PDCD6: variants seen among roughly 807,000 people sequenced by gnomAD.
The protein encoded by PDCD6 is programmed cell death 6, also known as programmed cell death protein 6.
A neutral mutation model predicts 28.3 loss-of-function variants in PDCD6; 12 were observed. The observed-to-expected ratio is 0.42, with a 90% CI of 0.27 to 0.69. PDCD6 has a LOEUF of 0.69. PDCD6 is among the 30% of genes least tolerant of loss of function. The pLI, the probability that PDCD6 is intolerant of heterozygous loss-of-function variation, is 0.22. For missense variants in PDCD6, 226 were observed against 269.9 expected (o/e 0.84, Z 1.14); for synonymous variants, 92 against 108.0 (o/e 0.85, Z 0.92).
intron 2 of PDCD6, among the ~76,000 whole-genome samples, chr5:277,644 T>A (rs1489545973): frequency 6.6e-6 from 1 of 151,692 alleles, no homozygotes; most frequent in Non-Finnish European, 1.5e-5. Context: ...CCATGTTAGC[T>A]AGGATGGTCT....
In PDCD6 at chr5:295,645, C is replaced by CT. The variant is rs1289980059; in HGVS notation, c.164-8524dup. Among the ~76,000 whole-genome samples, 16 of 137,682 alleles carry CT rather than the reference C, an allele frequency of 1.2e-4. 1 individual carries two copies. Among genetic ancestry groups the CT allele is most frequent in the African/African-American group, 3.8e-4 (15 of 39,506 alleles). 90.3% of individuals were successfully genotyped at this position (137,682 alleles called of 152,430 possible). ...GAATTCTGGCTGGGTCCTCAGGAGCCTTTTTTTTCTTGTCCACATTCACCT... is the reference window on the plus strand; with the variant it reads ...GAATTCTGGCTGGGTCCTCAGGAGCCTTTTTTTTTCTTGTCCACATTCACCT... On this transcript the variant is annotated intron_variant, in intron 2 of 5. Coordinates refer to ENST00000264933, the MANE Select transcript of PDCD6 (RefSeq NM_013232.4).
intron 2 of PDCD6, among the ~76,000 whole-genome samples, chr5:286,769 T>C (rs1204286784): frequency 6.6e-6 from 1 of 152,108 alleles, no homozygotes; most frequent in Non-Finnish European, 1.5e-5. Context: ...GATGTTGTTC[T>C]AGTTTGTGTG....
intron 2 of PDCD6, chr5:276,492 AGTCTCACT>A (rs1738210117): frequency 1.0e-6 from 1 of 979,560 alleles, no homozygotes; most frequent in Non-Finnish European, 1.2e-6. Context: ...TTAGAGATGG[AGTCTCACT>A]GTCTTGCTCA....
intron 2 of PDCD6, among the ~76,000 whole-genome samples, chr5:298,750 CA>C (rs560826713): frequency 3.8e-3 from 108 of 28,518 alleles, no homozygotes; most frequent in Non-Finnish European, 6.5e-3. Flanking sequence ...CCCAGCTGCT[CA>C]CCCCCAACTG....
chr5:292,603 G>A (rs759666797), intron 2 of PDCD6, among the ~76,000 whole-genome samples: 6 of 152,090 alleles, frequency 3.9e-5, no homozygotes, highest in East Asian at 1.9e-4. Context: ...TGTTCATTCC[G>A]GTGACTATCT....
chr5:292,415 C>A (rs1443068463), intron 2 of PDCD6, among the ~76,000 whole-genome samples: 3 of 152,092 alleles, frequency 2.0e-5, no homozygotes, highest in Admixed American at 2.0e-4. Flanking sequence ...CCCGCCACCA[C>A]CCCTGGCTAA....
chr5:291,856 G>T (rs374587301), intron 2 of PDCD6, among the ~76,000 whole-genome samples: 1 of 152,234 alleles, frequency 6.6e-6, no homozygotes, highest in Non-Finnish European at 1.5e-5. Flanking sequence ...TGTTGGGAAC[G>T]TTCTTGGGCG....
In PDCD6 at chr5:306,886, C is replaced by T; in HGVS notation, c.367+126C>T. 3 of 876,428 alleles carry T rather than the reference C, an allele frequency of 3.4e-6. No individual in the cohort carries two copies. In the South Asian group the frequency reaches 4.4e-5, roughly 13 times the overall value. The allele number at this position is 876,428 out of a possible 1,614,324, so 54.3% of individuals were successfully genotyped here. On this transcript the variant is annotated intron_variant, in intron 4 of 5. Transcript: ENST00000264933. ...GGCTACGTAAAGTTTTTGTTGACGT[C>T]ATGCAGGTTCATATTTGATATTGCT...
rs1256797244 is a variant in PDCD6, at chr5:307,559, C to A, written c.367+799C>A. Reference sequence around the variant, plus strand: ...GGGGCTTCCCGTGCTGCTCTCAGGGCTGAGAGGAAGCAGGGGTTTTATTTA... The same window carrying A: ...GGGGCTTCCCGTGCTGCTCTCAGGGATGAGAGGAAGCAGGGGTTTTATTTA... On this transcript the variant is annotated intron_variant, in intron 4 of 5. Coordinates refer to ENST00000264933, the MANE Select transcript of PDCD6 (RefSeq NM_013232.4). The surrounding 1 kb of genome is among the most constrained non-coding windows in gnomAD (Gnocchi z 6.1). Among the ~76,000 whole-genome samples the A allele has an allele frequency of 1.3e-5, 2 of 152,146 alleles. No individual in the cohort carries two copies. Among genetic ancestry groups the A allele is most frequent in the African/African-American group, 4.8e-5 (2 of 41,434 alleles).
At chr5:312,083 C>CT (rs1740957053) in intron 5 of PDCD6, 1 of 152,552 alleles carries the variant, frequency 6.6e-6, no homozygotes, top group Non-Finnish European at 1.5e-5. Context: ...GTGAGGTCAG[C>CT]TGTGGAGCCT....
Position 307,916 on chromosome 5 carries a change from C to T in PDCD6, c.367+1156C>T, listed in dbSNP as rs1213262442. Among the ~76,000 whole-genome samples the T allele has an allele frequency of 6.6e-6, 1 of 152,172 alleles. No individual in the cohort carries two copies. Among genetic ancestry groups the T allele is most frequent in the East Asian group, 1.9e-4 (1 of 5,198 alleles). ...GGTCTCCTCAAGAAGCAGTTCTGAGCTGACCAGCTGCGAGCCAGGATTTGG... is the reference window on the plus strand; with the variant it reads ...GGTCTCCTCAAGAAGCAGTTCTGAGTTGACCAGCTGCGAGCCAGGATTTGG... On this transcript the variant is annotated intron_variant, in intron 4 of 5. Transcript: ENST00000264933. This position sits in a 1 kb window ranked among gnomAD's most constrained non-coding sequence, Gnocchi z 6.1.
At position 311,482 on chromosome 5, in the gene PDCD6, C is replaced by G. The variant is rs79431533; in HGVS notation, c.477+80C>G. Reference sequence around the variant, plus strand: ...CAGCGTGATGCACCTGACCTTCAATCTAAGGAGCTGGGCATGTGTAGAATT... The same window carrying G: ...CAGCGTGATGCACCTGACCTTCAATGTAAGGAGCTGGGCATGTGTAGAATT... On this transcript the variant is annotated intron_variant, in intron 5 of 5. Transcript: ENST00000264933. 5.5e-6 allele frequency: 5 copies of G among 901,110 alleles called. No homozygotes were observed. In the African/African-American group the frequency reaches 6.6e-5, roughly 12 times the overall value. The allele number at this position is 901,110 out of a possible 1,614,324, so 55.8% of individuals were successfully genotyped here.
intron 2 of PDCD6, among the ~76,000 whole-genome samples, chr5:297,905 CTT>C (rs200720645): frequency 1.3e-5 from 2 of 152,284 alleles, no homozygotes; most frequent in Middle Eastern, 3.4e-3. Context: ...AGAAAATCGA[CTT>C]ATGTTCTTTA....
At chr5:294,123 T>C (rs1156367509) in intron 2 of PDCD6, among the ~76,000 whole-genome samples, 95 of 143,398 alleles carry the variant, frequency 6.6e-4, no homozygotes, top group African/African-American at 1.8e-3. Context: ...CAGGAAAATT[T>C]GTATGGCCTG....
intron 2 of PDCD6, among the ~76,000 whole-genome samples, chr5:303,816 C>T (rs1386952306): frequency 6.8e-6 from 1 of 146,778 alleles, no homozygotes; most frequent in Admixed American, 6.6e-5. Flanking sequence ...AAACTAAGTG[C>T]GAACTTCTCA....
chr5:280,202 G>A (rs1454328105), intron 2 of PDCD6, among the ~76,000 whole-genome samples: 2 of 152,006 alleles, frequency 1.3e-5, no homozygotes, highest in Non-Finnish European at 2.9e-5. Context: ...TGCAGAGCCC[G>A]GGAAAGGCAC....
chr5:306,827 T>A, intron 4 of PDCD6, 67 bp downstream of exon 4: 1 of 1,502,684 alleles, frequency 6.7e-7, no homozygotes, highest in Non-Finnish European at 9.3e-7. Flanking sequence ...TGAAGTTCTT[T>A]AAACCTTGTT....
intron 2 of PDCD6, chr5:273,479 A>G (rs1201601185): frequency 6.6e-6 from 1 of 152,610 alleles, no homozygotes; most frequent in East Asian, 1.9e-4. Context: ...CTTTTTCTGT[A>G]ATCCCTCAGG....
At chr5:304,366 C>A (rs1477278442) in intron 3 of PDCD6, 145 bp downstream of exon 3, 6 of 1,245,930 alleles carry the variant, frequency 4.8e-6, no homozygotes, top group Non-Finnish European at 5.5e-6. Flanking sequence ...TTTCATCCCT[C>A]TCCCTCCGTC....
Sources: gnomAD v4.1 joint callset for allele counts (sites outside exome capture counted in the v4.1 genomes callset) on GRCh38, gnomAD v4.1.1 for gene constraint, Gnocchi (gnomAD v3.1) non-coding constraint, MANE v1.5 for transcripts, NCBI Gene and HGNC (gene_info 2026-07-23, HGNC 2026-07-21) for gene names.